The following C12orf42 variants were observed in gnomAD, a reference collection of about 807,000 sequenced individuals.
C12orf42 encodes the protein uncharacterized protein C12orf42.
Under a neutral mutation model 21.6 loss-of-function variants are expected in C12orf42, and 25 were observed. That is an observed-to-expected ratio of 1.16 (90% CI 0.84 to 1.62). The LOEUF (loss-of-function observed/expected upper bound fraction) is 1.62, where lower values mean the gene tolerates loss of function less well. C12orf42 is among the 40% of genes most tolerant of loss of function. The pLI, the probability that C12orf42 is intolerant of heterozygous loss-of-function variation, is 0.00. For missense variants in C12orf42, 483 were observed against 459.3 expected (o/e 1.05, Z -0.47); for synonymous variants, 174 against 175.0 (o/e 0.99, Z 0.05).
chr12:103,380,759 A>G (rs1044983869), intron 3 of C12orf42, among the ~76,000 whole-genome samples: 3 of 152,224 alleles, frequency 2.0e-5, no homozygotes, highest in Admixed American at 1.3e-4. Context: ...CATGTTATTG[A>G]GTACCTGCTA....
chr12:103,280,232 TGTA>T (rs2136303558), intron 4 of C12orf42, among the ~76,000 whole-genome samples: 1 of 152,248 alleles, frequency 6.6e-6, no homozygotes, highest in Non-Finnish European at 1.5e-5. Context: ...TCATATAGAT[TGTA>T]GTAGTGGAGC....
chr12:103,333,225 T>G (rs991845038), intron 4 of C12orf42, among the ~76,000 whole-genome samples: 3 of 152,236 alleles, frequency 2.0e-5, no homozygotes, highest in Admixed American at 6.5e-5. Flanking sequence ...GACCTAGTTT[T>G]GAATTGCTTC....
the C12orf42 span, among the ~76,000 whole-genome samples, chr12:103,219,089 G>C: frequency 1.3e-5 from 2 of 152,312 alleles, no homozygotes; most frequent in South Asian, 4.1e-4. Flanking sequence ...TGGAAAGGGG[G>C]CTGAAGCCAG....
chr12:103,168,005 T>C, the C12orf42 span: 1 of 440,174 alleles, frequency 2.3e-6, no homozygotes, highest in African/African-American at 2.3e-5. Flanking sequence ...TTTTTAATTG[T>C]GTCTGTTAAT....
the C12orf42 span, chr12:103,559,077 A>G: frequency 6.6e-6 from 1 of 152,224 alleles, no homozygotes; most frequent in African/African-American, 2.4e-5. Context: ...GCCTGATAAG[A>G]GTGTGTCTTT....
chr12:103,459,030 GAGGAA>G (rs1444267530), intron 2 of C12orf42, among the ~76,000 whole-genome samples: 6 of 152,158 alleles, frequency 3.9e-5, no homozygotes. Context: ...GGGAAGGAGA[GAGGAA>G]AGGAAAGAAG....
chr12:103,427,595 C>T (rs1048924915), intron 2 of C12orf42, among the ~76,000 whole-genome samples: 3 of 152,154 alleles, frequency 2.0e-5, no homozygotes, highest in African/African-American at 7.2e-5. Context: ...CAAGGATATT[C>T]AGGACTTGAA....
chr12:103,429,205 T>C (rs951727271), intron 2 of C12orf42, among the ~76,000 whole-genome samples: 2 of 152,218 alleles, frequency 1.3e-5, no homozygotes, highest in African/African-American at 2.4e-5. Context: ...GACATGATTG[T>C]ATGTTTAGAA....
intron 4 of C12orf42, among the ~76,000 whole-genome samples, chr12:103,290,436 A>T (rs995618171): frequency 6.6e-6 from 1 of 152,290 alleles, no homozygotes; most frequent in East Asian, 1.9e-4. Context: ...CACTCAAAAG[A>T]GGTTAAAATG....
chr12:103,284,986 C>G (rs1163967604), intron 4 of C12orf42, among the ~76,000 whole-genome samples: 1 of 152,076 alleles, frequency 6.6e-6, no homozygotes, highest in East Asian at 1.9e-4. Context: ...TCTCACTGTT[C>G]CCTAAGCAAA....
intron 3 of C12orf42, among the ~76,000 whole-genome samples, chr12:103,384,984 G>A (rs758984400): frequency 1.2e-4 from 19 of 152,096 alleles, no homozygotes; most frequent in Admixed American, 1.0e-3. Context: ...GAAGCTAGAG[G>A]GTTGGGGTAC....
intron 4 of C12orf42, among the ~76,000 whole-genome samples, chr12:103,285,638 AC>A (rs1184803064): frequency 2.0e-5 from 3 of 152,258 alleles, no homozygotes; most frequent in African/African-American, 7.2e-5. Flanking sequence ...GACTTCTAAC[AC>A]ATCACTGGGA....
At chr12:103,396,683 G>A (rs745538826) in intron 3 of C12orf42, 17 of 152,200 alleles carry the variant, frequency 1.1e-4, no homozygotes, top group Non-Finnish European at 2.1e-4. Flanking sequence ...TGGTTTTGAG[G>A]CAAGTGGGGC....
At chr12:103,402,863 G>A (rs1330678587) in intron 2 of C12orf42, among the ~76,000 whole-genome samples, 1 of 152,176 alleles carries the variant, frequency 6.6e-6, no homozygotes, top group Non-Finnish European at 1.5e-5. Flanking sequence ...AAAATTACTA[G>A]AATCTGGAGT....
chr12:103,083,271 T>C, the C12orf42 span, among the ~76,000 whole-genome samples: 2 of 152,060 alleles, frequency 1.3e-5, no homozygotes, highest in East Asian at 3.9e-4. Flanking sequence ...AGCTGAGACA[T>C]GAGAATAGCT....
At chr12:103,196,935 G>A in the C12orf42 span, among the ~76,000 whole-genome samples, 15 of 152,042 alleles carry the variant, frequency 9.9e-5, no homozygotes, top group African/African-American at 1.2e-4. Context: ...ATATTGATAC[G>A]TGCAGATTTG....
At chr12:103,106,973 A>G in the C12orf42 span, among the ~76,000 whole-genome samples, 1 of 152,024 alleles carries the variant, frequency 6.6e-6, no homozygotes, top group Admixed American at 6.6e-5. Context: ...TCACCAAAAG[A>G]AGGCAGATGC....
At chr12:103,259,802 A>G (rs1301080856) in intron 10 of C12orf42, among the ~76,000 whole-genome samples, 1 of 152,180 alleles carries the variant, frequency 6.6e-6, no homozygotes, top group Non-Finnish European at 1.5e-5. Context: ...AGACTTTCTC[A>G]TGCTCCGGAC....
At position 103,393,226 on chromosome 12, in the gene C12orf42, C is replaced by G. The variant is rs531082819; in HGVS notation, c.147+8381G>C. Among the ~76,000 whole-genome samples the G allele has an allele frequency of 8.7e-4, 133 of 152,266 alleles. 3 individuals are homozygous for G. In the South Asian group the frequency reaches 0.027, roughly 31 times the overall value. On this transcript the variant is annotated intron_variant, in intron 3 of 5. Transcript: ENST00000548883. ...TGTACAGGATGCATGGCAACAGCAT[C>G]TGCTCAGCTACTGATGAGAGCTTCT...
Sources: allele counts gnomAD v4.1 joint callset (sites outside exome capture counted in the v4.1 genomes callset), GRCh38; gene constraint gnomAD v4.1.1; transcripts MANE v1.5; gene names NCBI Gene and HGNC (gene_info 2026-07-23, HGNC 2026-07-21).